Variants in GMDS observed in about 807,000 individuals in gnomAD.
GMDS encodes the protein GDP-mannose 4,6 dehydratase.
In GMDS, 20 loss-of-function variants were observed where a neutral mutation model predicts 49.9. The ratio of observed to expected loss-of-function variants is 0.40; its 90% CI spans 0.28 to 0.58. GMDS has a LOEUF of 0.58. Among genes scored for constraint, GMDS ranks in the 20% least tolerant of loss-of-function variants. The probability of loss-of-function intolerance (pLI) is 0.42; values close to 1 mark genes in which losing one functional copy is unlikely to be tolerated. For synonymous variants in GMDS, 177 were observed against 178.6 expected (o/e 0.99, Z 0.07); for missense variants, 362 against 481.4 (o/e 0.75, Z 2.32).
chr6:2,028,003 A>G (rs9392354), intron 4 of GMDS, among the ~76,000 whole-genome samples: 31,959 of 152,106 alleles, frequency 0.21, 3,727 homozygotes, highest in Non-Finnish European at 0.25. Flanking sequence ...AAAAGCTTCA[A>G]AACTTTAAAG....
At chr6:2,165,179 G>A (rs1051011519) in intron 1 of GMDS, among the ~76,000 whole-genome samples, 12 of 152,142 alleles carry the variant, frequency 7.9e-5, no homozygotes, top group Non-Finnish European at 1.8e-4. Context: ...ACCACTCCCA[G>A]TACCAAAATC....
At chr6:1,906,364 A>T (rs1334165145) in intron 7 of GMDS, among the ~76,000 whole-genome samples, 1 of 152,238 alleles carries the variant, frequency 6.6e-6, no homozygotes, top group Non-Finnish European at 1.5e-5. Flanking sequence ...TGAAACTAAC[A>T]CAATCCTAGG....
At chr6:1,685,320 A>G (rs2492845) in intron 9 of GMDS, among the ~76,000 whole-genome samples, 134,453 of 152,048 alleles carry the variant, frequency 0.88, 59,683 homozygotes, top group Middle Eastern at 0.95. Context: ...AGCCGAGATC[A>G]CGCCACTGCA....
intron 1 of GMDS, among the ~76,000 whole-genome samples, chr6:2,193,206 T>G (rs9503120): frequency 0.12 from 17,805 of 152,292 alleles, 3,480 homozygotes; most frequent in African/African-American, 0.4. Context: ...CTGCTGAATA[T>G]TCACGTGGGT....
intron 1 of GMDS, among the ~76,000 whole-genome samples, chr6:2,175,000 T>C (rs1778204317): frequency 6.6e-6 from 1 of 152,072 alleles, no homozygotes; most frequent in African/African-American, 2.4e-5. Context: ...GCATCAGGGC[T>C]CTCTAGGCAG....
chr6:1,772,198 A>T (rs1228835206), intron 7 of GMDS, among the ~76,000 whole-genome samples: 2 of 152,240 alleles, frequency 1.3e-5, no homozygotes, highest in Non-Finnish European at 2.9e-5. Context: ...TGAATTGAAG[A>T]CCATAATCAA....
At chr6:1,981,754 C>A (rs949787837) in intron 4 of GMDS, among the ~76,000 whole-genome samples, 10 of 152,202 alleles carry the variant, frequency 6.6e-5, no homozygotes, top group African/African-American at 2.2e-4. Flanking sequence ...CCTTGATGAA[C>A]ATCAGTGCAA....
chr6:1,941,940 G>A (rs1468194310), intron 6 of GMDS, among the ~76,000 whole-genome samples: 1 of 152,004 alleles, frequency 6.6e-6, no homozygotes, highest in East Asian at 1.9e-4. Context: ...ACTCAACCCC[G>A]CCTCGCTCAC....
intron 7 of GMDS, among the ~76,000 whole-genome samples, chr6:1,822,929 C>T (rs911929864): frequency 2.0e-5 from 3 of 152,016 alleles, no homozygotes; most frequent in African/African-American, 7.3e-5. Flanking sequence ...ACAGGTTTTC[C>T]CCAAATTACA....
chr6:2,126,614 T>G (rs1253137982), intron 1 of GMDS, among the ~76,000 whole-genome samples: 1 of 152,158 alleles, frequency 6.6e-6, no homozygotes, highest in Non-Finnish European at 1.5e-5. Flanking sequence ...TGTGGTTCAT[T>G]AAAACCTAGA....
chr6:1,670,782 C>G (rs551196972), intron 9 of GMDS, among the ~76,000 whole-genome samples: 1 of 152,164 alleles, frequency 6.6e-6, no homozygotes, highest in South Asian at 2.1e-4. Context: ...TTCCATAGTT[C>G]CAAACGTTGA....
At chr6:2,084,635 T>G (rs958429189) in intron 4 of GMDS, among the ~76,000 whole-genome samples, 1 of 152,148 alleles carries the variant, frequency 6.6e-6, no homozygotes, top group African/African-American at 2.4e-5. Context: ...GCCTCCCGTG[T>G]AGCTGGGACT....
At chr6:1,676,770 G>T (rs12181697) in intron 9 of GMDS, among the ~76,000 whole-genome samples, 1 of 151,788 alleles carries the variant, frequency 6.6e-6, no homozygotes, top group East Asian at 1.9e-4. Context: ...ACATCTTATA[G>T]AAAAATTAAT....
At chr6:1,760,407 T>G (rs990435533) in intron 7 of GMDS, among the ~76,000 whole-genome samples, 2 of 152,096 alleles carry the variant, frequency 1.3e-5, no homozygotes, top group African/African-American at 4.8e-5. Flanking sequence ...GTGGGGAAGA[T>G]GGCCACTTGC....
intron 9 of GMDS, chr6:1,625,638 A>G (rs1762831570): frequency 6.6e-6 from 1 of 152,284 alleles, no homozygotes; most frequent in Non-Finnish European, 1.5e-5. Context: ...GTGAAGACTG[A>G]CTGACATGAA....
chr6:1,732,765 G>T (rs1000784612), intron 8 of GMDS, among the ~76,000 whole-genome samples: 9 of 152,170 alleles, frequency 5.9e-5, no homozygotes, highest in African/African-American at 2.2e-4. Context: ...CTTAGCCAGG[G>T]AAATGGGCAG....
At chr6:1,625,448 C>T (rs1349998856) in intron 9 of GMDS, 3 of 152,286 alleles carry the variant, frequency 2.0e-5, no homozygotes, top group Non-Finnish European at 4.4e-5. Flanking sequence ...CCACCGTCCC[C>T]TCTGGCAGTG....
intron 4 of GMDS, among the ~76,000 whole-genome samples, chr6:2,076,856 G>A (rs1302599148): frequency 6.6e-6 from 1 of 152,152 alleles, no homozygotes; most frequent in Non-Finnish European, 1.5e-5. Context: ...CATGGGCAAG[G>A]ACTTCATGTC....
At position 1,853,384 on chromosome 6, in the gene GMDS, A is replaced by G. The variant is rs183907114; in HGVS notation, c.771+76719T>C. 9.2e-4 allele frequency among the ~76,000 whole-genome samples: 136 copies of G among 147,898 alleles called. 2 individuals are homozygous for G. The highest frequency in any genetic ancestry group is 3.1e-3 in the South Asian group (15 of 4,794). On this transcript the variant is annotated intron_variant, in intron 7 of 10. Coordinates refer to ENST00000380815, the MANE Select transcript of GMDS (RefSeq NM_001500.4). ...ATACAAAAAATTAGCCGGGCGTGGT[A>G]GCGGGCGCCTGTAGTCCCAGCTACT...
Sources: allele counts gnomAD v4.1 joint callset (sites outside exome capture counted in the v4.1 genomes callset), GRCh38; gene constraint gnomAD v4.1.1; transcripts MANE v1.5; gene names NCBI Gene and HGNC (gene_info 2026-07-23, HGNC 2026-07-21).